CA5A: variants seen among roughly 807,000 people sequenced by gnomAD.
CA5A encodes the protein carbonic anhydrase 5A, also known as carbonic anhydrase 5A, mitochondrial.
CA5A carries 28 observed loss-of-function variants against 37.1 expected under a neutral mutation model. That is an observed-to-expected ratio of 0.75 (90% CI 0.56 to 1.03). The LOEUF (loss-of-function observed/expected upper bound fraction) is 1.03, where lower values mean the gene tolerates loss of function less well. Among genes scored for constraint, CA5A ranks in the 50% least tolerant of loss-of-function variants. CA5A has a pLI of 0.00. For missense variants in CA5A, 444 were observed against 399.9 expected (o/e 1.11, Z -0.94); for synonymous variants, 171 against 158.4 (o/e 1.08, Z -0.60).
intron 2 of CA5A, among the ~76,000 whole-genome samples, chr16:87,917,833 A>G (rs1056412202): frequency 4.1e-5 from 6 of 145,730 alleles, no homozygotes; most frequent in Admixed American, 6.8e-5. Flanking sequence ...ACACACATGC[A>G]CACACACGTG....
intron 5 of CA5A, 83 bp from the exon 6 acceptor site, chr16:87,892,037 A>T: frequency 7.7e-7 from 1 of 1,298,054 alleles, no homozygotes; most frequent in Non-Finnish European, 1.0e-6. Context: ...TGAGGCCTTC[A>T]TGGTGCTTGG....
At position 87,895,994 on chromosome 16, in the gene CA5A, G is replaced by T. The variant is rs570653520; in HGVS notation, c.619-4040C>A. On this transcript the variant is annotated intron_variant, in intron 5 of 6. Coordinates refer to ENST00000649794, the MANE Select transcript of CA5A (RefSeq NM_001739.2). ...TGAGACATCAGTCTGGTGCACGTGG[G>T]TAACAGGCGGGTGTGCAGTGAGACG... Among the ~76,000 whole-genome samples the T allele has an allele frequency of 1.2e-4, 19 of 152,310 alleles. No homozygotes were observed. In the South Asian group the frequency reaches 3.9e-3, roughly 32 times the overall value.
chr16:87,901,980 T>C lies in CA5A; in HGVS notation c.556-6A>G. Reference sequence around the variant, plus strand: ...GTCTGATGATGGGCCCCGAGCTGCATGGCAGACAAAGGAGGGGTTAGCTGC... The same window carrying C: ...GTCTGATGATGGGCCCCGAGCTGCACGGCAGACAAAGGAGGGGTTAGCTGC... On this transcript the variant is annotated splice_region_variant and splice_polypyrimidine_tract_variant and intron_variant, in intron 4 of 6. Coordinates refer to ENST00000649794, the MANE Select transcript of CA5A (RefSeq NM_001739.2). 1.2e-6 allele frequency: 2 copies of C among 1,613,456 alleles called. No homozygotes were observed. Among genetic ancestry groups the C allele is most frequent in the Non-Finnish European group, 1.7e-6 (2 of 1,179,572 alleles).
At chr16:87,913,138 C>G (rs561693269) in intron 2 of CA5A, among the ~76,000 whole-genome samples, 5 of 152,106 alleles carry the variant, frequency 3.3e-5, no homozygotes, top group African/African-American at 4.8e-5. Flanking sequence ...ACCACCACAA[C>G]TGGCTAATTT....
chr16:87,925,183 C>T (rs903313798), intron 2 of CA5A, among the ~76,000 whole-genome samples: 9 of 152,168 alleles, frequency 5.9e-5, no homozygotes, highest in African/African-American at 2.2e-4. Context: ...GCTGTGGCTG[C>T]GGCTGCTTTG....
intron 1 of CA5A, among the ~76,000 whole-genome samples, chr16:87,932,869 G>A (rs1266569514): frequency 6.6e-6 from 1 of 152,180 alleles, no homozygotes; most frequent in East Asian, 1.9e-4. Flanking sequence ...CTCCCCCATT[G>A]TCACTAGGCT....
At position 87,901,766 on chromosome 16, in the gene CA5A, T is replaced by C. The variant is rs1597553777; in HGVS notation, c.618+146A>G. On this transcript the variant is annotated intron_variant, in intron 5 of 6. Transcript: ENST00000649794. ...CCGCACCCAGCTAGTTTTGTATTTT[T>C]AGTGGAGACGGGGTTTCTCCATGTT... 9 of 558,954 alleles carry C rather than the reference T, an allele frequency of 1.6e-5. No individual in the cohort carries two copies. The East Asian group carries it at 3.1e-4, about 19-fold the overall frequency. The allele number at this position is 558,954 out of a possible 1,614,324, so 34.6% of individuals were successfully genotyped here. A position where few individuals can be genotyped will look rare whatever the true frequency, so the allele number is the denominator to read the frequency against.
At chr16:87,908,311 G>T (rs1385489811) in intron 2 of CA5A, among the ~76,000 whole-genome samples, 1 of 152,198 alleles carries the variant, frequency 6.6e-6, no homozygotes, top group Non-Finnish European at 1.5e-5. Context: ...TAAATGAGAA[G>T]GGCGGGCAGG....
At chr16:87,927,081 C>T (rs1488542615) in intron 1 of CA5A, 136 bp from the exon 2 acceptor site, 10 of 658,592 alleles carry the variant, frequency 1.5e-5, no homozygotes, top group African/African-American at 7.2e-5. Flanking sequence ...GAAACGGGCG[C>T]GTGGGGGCCC....
intron 1 of CA5A, among the ~76,000 whole-genome samples, chr16:87,928,406 C>T (rs889329860): frequency 1.3e-5 from 2 of 152,156 alleles, no homozygotes; most frequent in African/African-American, 4.8e-5. Flanking sequence ...TCAAGTGATT[C>T]TCCTGCCTGT....
intron 1 of CA5A, 64 bp from the exon 2 acceptor site, chr16:87,927,009 A>G: frequency 8.5e-7 from 1 of 1,182,598 alleles, no homozygotes; most frequent in Non-Finnish European, 1.2e-6. Flanking sequence ...TTGGACGGAC[A>G]GGGCAGAAAC....
intron 6 of CA5A, among the ~76,000 whole-genome samples, chr16:87,888,919 A>ATTTTTT (rs56196809): frequency 1.5e-5 from 2 of 136,132 alleles, no homozygotes; most frequent in African/African-American, 2.7e-5. Flanking sequence ...CGCCCGGCTA[A>ATTTTTT]TTTTTTTTTT....
intron 2 of CA5A, among the ~76,000 whole-genome samples, chr16:87,908,554 G>A (rs532114459): frequency 4.0e-4 from 61 of 152,182 alleles, no homozygotes; most frequent in Non-Finnish European, 7.5e-4. Context: ...ACTGACAGCC[G>A]ATGCCTGCCG....
Position 87,899,140 on chromosome 16 carries a change from G to A in CA5A, c.618+2772C>T, listed in dbSNP as rs190079447. On this transcript the variant is annotated intron_variant, in intron 5 of 6. Coordinates refer to ENST00000649794, the MANE Select transcript of CA5A (RefSeq NM_001739.2). ...GGGCTCTGAACCCAGGAGTCCAACTGTGGGGCTCTCTGATACACTGTGCTA... is the reference window on the plus strand; with the variant it reads ...GGGCTCTGAACCCAGGAGTCCAACTATGGGGCTCTCTGATACACTGTGCTA... Among the ~76,000 whole-genome samples the A allele has an allele frequency of 4.6e-3, 702 of 152,186 alleles. 11 individuals carry two copies. Among genetic ancestry groups the A allele is most frequent in the South Asian group, 0.037 (177 of 4,824 alleles).
chr16:87,894,886 A>ACAG (rs1439782843), intron 5 of CA5A, among the ~76,000 whole-genome samples: 2 of 152,088 alleles, frequency 1.3e-5, no homozygotes, highest in African/African-American at 4.8e-5. Context: ...GTCTCAAACA[A>ACAG]CAGCAGCAGC....
At position 87,926,789 on chromosome 16, in the gene CA5A, T is replaced by C. The variant is rs756349939; in HGVS notation, c.299A>G (p.Tyr100Cys). 2 of 1,614,078 alleles carry C rather than the reference T, an allele frequency of 1.2e-6. No homozygotes were observed. Among genetic ancestry groups the C allele is most frequent in the African/African-American group, 1.3e-5 (1 of 75,046 alleles). The change falls in exon 2 of 7, where the codon TAC becomes TGC. Residue 100 changes from tyrosine (Y) to cysteine (C), a missense_variant. Tyr to Cys is a radical substitution (Grantham distance 194). Transcript: ENST00000649794. ...ASCLYIWNTG[Y>C]LFQVEFDDAT... The stretch of plus-strand genomic sequence containing the variant: ...ATCGTCAAATTCCACCTGGAAGAGG[T>C]AGCCAGTGTTCCAGATGTACAGGCA...
At chr16:87,909,436 C>G (rs572914603) in intron 2 of CA5A, among the ~76,000 whole-genome samples, 59 of 152,346 alleles carry the variant, frequency 3.9e-4, no homozygotes, top group Non-Finnish European at 4.6e-4. Flanking sequence ...GCGAAACGTT[C>G]GTTCTTCTAA....
At chr16:87,893,194 C>A (rs950764472) in intron 5 of CA5A, 3 of 429,508 alleles carry the variant, frequency 7.0e-6, no homozygotes, top group African/African-American at 6.3e-5. Context: ...GTGGTGCGAT[C>A]TCAGCTCACT....
At chr16:87,900,874 G>A (rs2055868250) in intron 5 of CA5A, among the ~76,000 whole-genome samples, 1 of 152,240 alleles carries the variant, frequency 6.6e-6, no homozygotes, top group Admixed American at 6.5e-5. Context: ...TTTATCATTA[G>A]TGAATACCAT....
Sources: gnomAD v4.1 joint callset for allele counts (sites outside exome capture counted in the v4.1 genomes callset) on GRCh38, gnomAD v4.1.1 for gene constraint, MANE v1.5 for transcripts, NCBI Gene and HGNC (gene_info 2026-07-23, HGNC 2026-07-21) for gene names.